The following FAM171A1 variants were observed in gnomAD, a reference collection of about 807,000 sequenced individuals.
FAM171A1 encodes family with sequence similarity 171 member A1, also known as protein FAM171A1.
FAM171A1 carries 23 observed loss-of-function variants against 74.9 expected under a neutral mutation model. The observed-to-expected ratio is 0.31, with a 90% CI of 0.22 to 0.44. The LOEUF (loss-of-function observed/expected upper bound fraction) is 0.44. FAM171A1 is among the 20% of genes least tolerant of loss of function. FAM171A1 has a pLI of 1.00. For missense variants in FAM171A1, 1,162 were observed against 1,159.2 expected (o/e 1.00, Z -0.03); for synonymous variants, 527 against 505.7 (o/e 1.04, Z -0.57).
At chr10:15,243,060 T>C (rs1564620744) in intron 5 of FAM171A1, among the ~76,000 whole-genome samples, 1 of 152,202 alleles carries the variant, frequency 6.6e-6, no homozygotes, top group African/African-American at 2.4e-5. Flanking sequence ...AAAACCAGTT[T>C]CTCTGGTCTC....
chr10:15,275,862 T>C lies in FAM171A1; in HGVS notation c.411A>G (p.Gly137=). Residue 137 remains glycine, a synonymous_variant, in exon 3 of 8, where the codon GGA becomes GGG. Coordinates refer to ENST00000378116, the MANE Select transcript of FAM171A1 (RefSeq NM_001010924.2). ...AAAAAATATTAAATATACCTTGGAA[T>C]CCTGATACTATTTGGACGACATCTT... ...VYEDVVQIVS[G]FQGARPQPRV... is the part of the protein sequence containing the mutation. The C allele has an allele frequency of 6.2e-7, 1 of 1,603,210 alleles. No homozygotes were observed. Among genetic ancestry groups the C allele is most frequent in the African/African-American group, 1.3e-5 (1 of 74,780 alleles).
intron 1 of FAM171A1, among the ~76,000 whole-genome samples, chr10:15,352,540 C>T (rs1835891831): frequency 1.3e-5 from 2 of 152,218 alleles, no homozygotes. Context: ...TTTAATGCGG[C>T]ATCTAACAGA....
rs773672863 is a variant in FAM171A1 at position 15,221,088 on chromosome 10, T to C, written c.755-28A>G. The stretch of plus-strand genomic sequence containing the variant: ...GTGGAATTGAGAAAGAGATGTTAGC[T>C]ACAAGCACACCACGCTCCTTTGTAA... On this transcript the variant is annotated intron_variant, in intron 5 of 7. Transcript: ENST00000378116. 5.7e-6 allele frequency: 9 copies of C among 1,569,440 alleles called. No individual in the cohort carries two copies. The South Asian group carries it at 6.7e-5, about 12-fold the overall frequency.
intron 1 of FAM171A1, among the ~76,000 whole-genome samples, chr10:15,309,664 T>C (rs1051852365): frequency 6.6e-6 from 1 of 152,260 alleles, no homozygotes; most frequent in African/African-American, 2.4e-5. Flanking sequence ...CTCAATAGCA[T>C]GTGAACTTGA....
At chr10:15,258,489 C>G (rs146732015) in intron 3 of FAM171A1, among the ~76,000 whole-genome samples, 1 of 152,152 alleles carries the variant, frequency 6.6e-6, no homozygotes, top group South Asian at 2.1e-4. Flanking sequence ...CTTTTCCTCC[C>G]CAACCAACAA....
At chr10:15,269,120 AT>A (rs1210356364) in intron 3 of FAM171A1, among the ~76,000 whole-genome samples, 1 of 152,010 alleles carries the variant, frequency 6.6e-6, no homozygotes, top group Non-Finnish European at 1.5e-5. Context: ...TTATTTATTT[AT>A]TCACTTTTTT....
intron 5 of FAM171A1, among the ~76,000 whole-genome samples, chr10:15,234,050 C>A (rs1834247707): frequency 6.6e-6 from 1 of 151,942 alleles, no homozygotes; most frequent in Non-Finnish European, 1.5e-5. Context: ...AGCATTAGGT[C>A]CAGAGACATT....
rs138032827 is a variant in FAM171A1 at position 15,366,922 on chromosome 10, G to A, written c.97+4034C>T. Reference sequence around the variant, plus strand: ...TTGATTAAAACTGAGAAAGTGGCTGGGTGCAGTGGCTCATGCCTGTAATCC... The same window carrying A: ...TTGATTAAAACTGAGAAAGTGGCTGAGTGCAGTGGCTCATGCCTGTAATCC... On this transcript the variant is annotated intron_variant, in intron 1 of 7. Transcript: ENST00000378116. Among the ~76,000 whole-genome samples the A allele has an allele frequency of 3.9e-3, 599 of 152,284 alleles. 16 individuals carry two copies. In the East Asian group the frequency reaches 0.049, roughly 13 times the overall value.
At position 15,214,485 on chromosome 10, in the gene FAM171A1, C is replaced by T. The variant is rs761256092; in HGVS notation, c.1103G>A (p.Arg368His). The T allele has an allele frequency of 5.4e-5, 87 of 1,614,054 alleles. No homozygotes were observed. The highest frequency in any genetic ancestry group is 1.8e-4 in the South Asian group (16 of 91,088). ...CGGGCCAGGGAATTCTGACGCTCGGCGTGAAAACAGCAAGTTAATGTGTGA... is the reference window on the plus strand; with the variant it reads ...CGGGCCAGGGAATTCTGACGCTCGGTGTGAAAACAGCAAGTTAATGTGTGA... ...SMSHINLLFS[R>H]RASEFPGPLS... is the part of the protein sequence containing the mutation. The change falls in exon 8 of 8, where the codon CGC becomes CAC. Residue 368 changes from arginine (R) to histidine (H), a missense_variant. Physicochemically the swap from Arg to His is conservative, Grantham distance 29. Coordinates refer to ENST00000378116, the MANE Select transcript of FAM171A1 (RefSeq NM_001010924.2).
chr10:15,359,126 G>A (rs141127435), intron 1 of FAM171A1, among the ~76,000 whole-genome samples: 4 of 152,278 alleles, frequency 2.6e-5, no homozygotes, highest in East Asian at 3.9e-4. Flanking sequence ...TTTCCTAATC[G>A]TCATTGTTAG....
chr10:15,299,528 A>G (rs1003892102), intron 1 of FAM171A1, among the ~76,000 whole-genome samples: 2 of 151,914 alleles, frequency 1.3e-5, no homozygotes, highest in African/African-American at 2.4e-5. Flanking sequence ...GGCTGGGACA[A>G]GAGCAAAATT....
At chr10:15,318,358 A>G (rs977373021) in intron 1 of FAM171A1, among the ~76,000 whole-genome samples, 13 of 152,178 alleles carry the variant, frequency 8.5e-5, no homozygotes, top group African/African-American at 3.1e-4. Flanking sequence ...GGGAAAAGCT[A>G]CTGAGCTCAG....
At chr10:15,280,713 C>T (rs1444743743) in intron 2 of FAM171A1, among the ~76,000 whole-genome samples, 1 of 152,198 alleles carries the variant, frequency 6.6e-6, no homozygotes, top group Non-Finnish European at 1.5e-5. Flanking sequence ...GGAAAGAAGG[C>T]ATTTTTTAGT....
chr10:15,340,709 A>C (rs1186572711), intron 1 of FAM171A1, among the ~76,000 whole-genome samples: 1 of 152,152 alleles, frequency 6.6e-6, no homozygotes, highest in African/African-American at 2.4e-5. Context: ...CAGTCTGAGG[A>C]GTGGTTTGGA....
Position 15,354,386 on chromosome 10 carries a change from T to C in FAM171A1, c.97+16570A>G, listed in dbSNP as rs867529656. ...TGGCACTTGCCTGTAGTCTCAGCTA[T>C]TCAGAAGGCTGAGCCAGGAGAACTG... On this transcript the variant is annotated intron_variant, in intron 1 of 7. Transcript: ENST00000378116. Among the ~76,000 whole-genome samples the C allele has an allele frequency of 5.3e-5, 8 of 151,984 alleles. 1 individual carries two copies. In the Middle Eastern group the frequency reaches 0.014, roughly 258 times the overall value.
intron 1 of FAM171A1, among the ~76,000 whole-genome samples, chr10:15,331,859 G>GTGTATACATATATATATATA (rs60559617): frequency 6.7e-5 from 3 of 44,924 alleles, no homozygotes; most frequent in African/African-American, 1.7e-4. Flanking sequence ...ATATATGTGT[G>GTGTATACATATATATATATA]TATATATATG....
At chr10:15,278,563 T>C (rs1481920566) in intron 2 of FAM171A1, among the ~76,000 whole-genome samples, 1 of 152,208 alleles carries the variant, frequency 6.6e-6, no homozygotes, top group Non-Finnish European at 1.5e-5. Context: ...GGAATATTAT[T>C]CACTCATGAA....
At chr10:15,279,328 A>G (rs1463741530) in intron 2 of FAM171A1, among the ~76,000 whole-genome samples, 4 of 152,210 alleles carry the variant, frequency 2.6e-5, no homozygotes. Flanking sequence ...TCTAAAACAC[A>G]TGATTTCTTG....
At chr10:15,370,747 G>A (rs1266925354) in intron 1 of FAM171A1, among the ~76,000 whole-genome samples, 1 of 114,218 alleles carries the variant, frequency 8.8e-6, no homozygotes, top group Non-Finnish European at 1.8e-5. Flanking sequence ...GGCCCCCGAA[G>A]CCTCCGCCCG....
Sources: allele counts gnomAD v4.1 joint callset (sites outside exome capture counted in the v4.1 genomes callset), GRCh38; gene constraint gnomAD v4.1.1; transcripts MANE v1.5; gene names NCBI Gene and HGNC (gene_info 2026-07-23, HGNC 2026-07-21).